PDE7B: variants seen among roughly 807,000 people sequenced by gnomAD.
PDE7B encodes 3',5'-cyclic-AMP phosphodiesterase 7B.
PDE7B carries 29 observed loss-of-function variants against 56.2 expected under a neutral mutation model. The ratio of observed to expected loss-of-function variants is 0.52; its 90% confidence interval spans 0.38 to 0.70. PDE7B has a LOEUF of 0.70. PDE7B is among the 30% of genes least tolerant of loss of function. PDE7B has a pLI of 0.00. For synonymous variants in PDE7B, 197 were observed against 196.9 expected, an observed-to-expected ratio of 1.00 and a Z score of 0.00; for missense variants, 490 against 565.0, an observed-to-expected ratio of 0.87 and a Z score of 1.35.
At chr6:136,009,012 T>G (rs1453003080) in intron 2 of PDE7B, among the ~76,000 whole-genome samples, 1 of 151,110 alleles carries the variant, frequency 6.6e-6, no homozygotes, top group Non-Finnish European at 1.5e-5. Context: ...AATTTTTATA[T>G]AAGGTGTAAG....
intron 2 of PDE7B, among the ~76,000 whole-genome samples, chr6:135,963,833 G>T (rs1196375273): frequency 5.9e-5 from 9 of 152,028 alleles, no homozygotes; most frequent in Admixed American, 5.2e-4. Context: ...TAATGAAGGG[G>T]GCTACCTCTG....
chr6:136,113,170 A>G (rs1777775511), intron 3 of PDE7B, among the ~76,000 whole-genome samples: 1 of 152,240 alleles, frequency 6.6e-6, no homozygotes. Flanking sequence ...ATCACAAAAA[A>G]TAAGTACGTG....
chr6:135,889,254 T>C (rs1045940510), intron 1 of PDE7B, among the ~76,000 whole-genome samples: 1 of 152,008 alleles, frequency 6.6e-6, no homozygotes, highest in Non-Finnish European at 1.5e-5. Flanking sequence ...ACCTTCAACC[T>C]GACCTGGGAA....
chr6:135,943,800 C>T (rs771225980), intron 1 of PDE7B, among the ~76,000 whole-genome samples: 8 of 152,176 alleles, frequency 5.3e-5, no homozygotes, highest in Non-Finnish European at 1.0e-4. Context: ...GTTAGGAACA[C>T]TAACAATGGA....
chr6:135,952,243 C>T (rs1774714865), intron 2 of PDE7B, among the ~76,000 whole-genome samples: 1 of 151,906 alleles, frequency 6.6e-6, no homozygotes, highest in Non-Finnish European at 1.5e-5. Flanking sequence ...TGATAATAAG[C>T]AAATATAAAT....
At chr6:136,176,139 G>T (rs991662875) in intron 9 of PDE7B, among the ~76,000 whole-genome samples, 1 of 151,876 alleles carries the variant, frequency 6.6e-6, no homozygotes, top group Non-Finnish European at 1.5e-5. Context: ...TCCTATCAGT[G>T]TTATTCATTT....
intron 2 of PDE7B, among the ~76,000 whole-genome samples, chr6:136,086,807 G>C (rs1245834234): frequency 6.6e-6 from 1 of 152,240 alleles, no homozygotes; most frequent in Non-Finnish European, 1.5e-5. Context: ...GCAACAGCTT[G>C]AGAATGTCAG....
At chr6:135,905,446 C>T (rs1456647991) in intron 1 of PDE7B, among the ~76,000 whole-genome samples, 1 of 151,708 alleles carries the variant, frequency 6.6e-6, no homozygotes, top group East Asian at 1.9e-4. Context: ...AAACACTAAC[C>T]AGATTCCAAA....
chr6:135,884,472 C>A (rs977423887), intron 1 of PDE7B, among the ~76,000 whole-genome samples: 1 of 152,164 alleles, frequency 6.6e-6, no homozygotes. Flanking sequence ...TTTCCTGATT[C>A]GATATCACAG....
intron 8 of PDE7B, among the ~76,000 whole-genome samples, chr6:136,172,862 G>C (rs1159709804): frequency 6.6e-6 from 1 of 152,158 alleles, no homozygotes; most frequent in Admixed American, 6.5e-5. Flanking sequence ...ACCAATAACA[G>C]ACAAACAGAG....
At chr6:135,972,402 A>G (rs1047688506) in intron 2 of PDE7B, among the ~76,000 whole-genome samples, 20 of 152,130 alleles carry the variant, frequency 1.3e-4, no homozygotes, top group African/African-American at 4.8e-4. Flanking sequence ...ATCCAAGTTC[A>G]TGTGATTTTA....
intron 1 of PDE7B, among the ~76,000 whole-genome samples, chr6:135,921,589 A>T (rs576393118): frequency 6.6e-6 from 1 of 152,134 alleles, no homozygotes; most frequent in Non-Finnish European, 1.5e-5. Flanking sequence ...TTTCAAGGAA[A>T]ACTACTTCAG....
At chr6:135,916,930 C>T (rs556121916) in intron 1 of PDE7B, among the ~76,000 whole-genome samples, 13 of 151,784 alleles carry the variant, frequency 8.6e-5, no homozygotes, top group South Asian at 2.1e-4. Flanking sequence ...ATCTGATGAA[C>T]GGATGTTTTA....
intron 3 of PDE7B, among the ~76,000 whole-genome samples, chr6:136,122,614 G>A (rs1225747186): frequency 2.0e-5 from 3 of 152,192 alleles, no homozygotes; most frequent in African/African-American, 7.2e-5. Flanking sequence ...CATTATTGGT[G>A]TACAATCTAT....
intron 2 of PDE7B, chr6:136,034,969 T>G (rs967550145): frequency 7.9e-5 from 12 of 151,146 alleles, no homozygotes; most frequent in Non-Finnish European, 1.3e-4. Flanking sequence ...CATTGTCCAT[T>G]GGAACAAGCT....
chr6:136,184,228 T>TC (rs1434876203), intron 11 of PDE7B, among the ~76,000 whole-genome samples: 1 of 152,174 alleles, frequency 6.6e-6, no homozygotes, highest in Non-Finnish European at 1.5e-5. Context: ...TATGCAAATT[T>TC]CCCCTTTATA....
chr6:136,159,519 C>A (rs769101040), intron 8 of PDE7B, among the ~76,000 whole-genome samples: 1 of 152,152 alleles, frequency 6.6e-6, no homozygotes, highest in Non-Finnish European at 1.5e-5. Flanking sequence ...GCAGTGCTAT[C>A]GTTTCTTCAA....
chr6:136,108,228 G>A (rs1351324726), intron 2 of PDE7B, among the ~76,000 whole-genome samples: 2 of 151,988 alleles, frequency 1.3e-5, no homozygotes, highest in African/African-American at 4.8e-5. Context: ...GTGCAAGAGT[G>A]GCCAAGTGCC....
chr6:136,025,167 T>A (rs1472370453), intron 2 of PDE7B, among the ~76,000 whole-genome samples: 1 of 152,202 alleles, frequency 6.6e-6, no homozygotes, highest in Non-Finnish European at 1.5e-5. Context: ...TCCATATTTT[T>A]ACCATAGAAA....
Sources: gnomAD v4.1 joint callset for allele counts (sites outside exome capture counted in the v4.1 genomes callset) on GRCh38, gnomAD v4.1.1 for gene constraint, MANE v1.5 for transcripts, NCBI Gene and HGNC (gene_info 2026-07-23, HGNC 2026-07-21) for gene names.